The following TFDP1 variants were observed in gnomAD, a reference collection of about 807,000 sequenced individuals.
The protein encoded by TFDP1 is DRTF1-polypeptide 1.
A neutral mutation model predicts 48.0 loss-of-function variants in TFDP1; 6 were observed. That is an observed-to-expected ratio of 0.13 (90% CI 0.07 to 0.25). The LOEUF is 0.25. TFDP1 is among the 10% of genes least tolerant of loss of function. TFDP1 has a pLI of 1.00. For synonymous variants in TFDP1, 201 were observed against 211.6 expected, an observed-to-expected ratio of 0.95 and a Z score of 0.44; for missense variants, 335 against 543.0, an observed-to-expected ratio of 0.62 and a Z score of 3.81.
intron 3 of TFDP1, among the ~76,000 whole-genome samples, chr13:113,616,423 C>T (rs936786418): frequency 2.6e-5 from 4 of 152,020 alleles, no homozygotes; most frequent in Admixed American, 6.6e-5. Context: ...ATAGTAAATC[C>T]GTGGAGAGCG....
intron 5 of TFDP1, among the ~76,000 whole-genome samples, chr13:113,632,562 G>A (rs1480877682): frequency 1.3e-5 from 2 of 152,162 alleles, no homozygotes; most frequent in Non-Finnish European, 2.9e-5. Context: ...CAGATCACGA[G>A]TTCAAGAGAT....
At chr13:113,636,408 A>G in intron 9 of TFDP1, 126 bp from the exon 10 acceptor site, 1 of 1,117,656 alleles carries the variant, frequency 8.9e-7, no homozygotes, top group Non-Finnish European at 1.3e-6. Flanking sequence ...CTGTGAGGAG[A>G]CACTGATGAC....
At chr13:113,586,003 TGGAA>T (rs1166786446) in intron 2 of TFDP1, 154 bp downstream of exon 2, 17 of 825,242 alleles carry the variant, frequency 2.1e-5, no homozygotes, top group Non-Finnish European at 3.2e-5. Flanking sequence ...AGGTGAAAGA[TGGAA>T]GGATCTGATC....
chr13:113,625,277 TCTCTCACGTG>T (rs2049114573), intron 4 of TFDP1, among the ~76,000 whole-genome samples: 1 of 127,188 alleles, frequency 7.9e-6, no homozygotes, highest in Admixed American at 7.5e-5. Flanking sequence ...TCCTCAGGTG[TCTCTCACGTG>T]TCCTCAGGTG....
chr13:113,634,456 A>G (rs1047297139), intron 7 of TFDP1, 78 bp from the exon 8 acceptor site: 4 of 1,134,578 alleles, frequency 3.5e-6, no homozygotes, highest in Non-Finnish European at 5.3e-6. Flanking sequence ...CACTGTGAGG[A>G]TGTGAGGATG....
chr13:113,612,443 G>T (rs936674219), intron 3 of TFDP1, among the ~76,000 whole-genome samples: 1 of 152,176 alleles, frequency 6.6e-6, no homozygotes, highest in Non-Finnish European at 1.5e-5. Context: ...AGCCCTTTTG[G>T]GATTATTTAT....
intron 2 of TFDP1, among the ~76,000 whole-genome samples, chr13:113,608,218 A>C (rs2140379965): frequency 6.6e-6 from 1 of 152,288 alleles, no homozygotes; most frequent in Non-Finnish European, 1.5e-5. Context: ...CCGCCAACAG[A>C]AAAAAGGCAC....
chr13:113,609,220 C>T (rs2048646153), intron 2 of TFDP1, among the ~76,000 whole-genome samples: 1 of 152,218 alleles, frequency 6.6e-6, no homozygotes, highest in Non-Finnish European at 1.5e-5. Context: ...GTCTGTGGGC[C>T]CCTGGGGGTG....
At position 113,637,047 on chromosome 13, in the gene TFDP1, G is replaced by T. The variant is rs1338426345; in HGVS notation, c.1006+347G>T. ...CTTTGAGAAGTGCAGTTGGATTGCT[G>T]ATCCCACCCACTGATGGTAGCTGAT... On this transcript the variant is annotated intron_variant, in intron 10 of 11. Coordinates refer to ENST00000375370, the MANE Select transcript of TFDP1 (RefSeq NM_007111.5). 3 of 220,486 alleles carry T rather than the reference G, an allele frequency of 1.4e-5. No homozygotes were observed. The Admixed American group carries it at 1.6e-4, about 12-fold the overall frequency. 13.7% of individuals were successfully genotyped at this position (220,486 alleles called of 1,614,324 possible).
chr13:113,634,431 G>C (rs150070007), intron 7 of TFDP1, 103 bp from the exon 8 acceptor site: 16 of 946,916 alleles, frequency 1.7e-5, no homozygotes, highest in African/African-American at 1.6e-4. Context: ...TTACATTCTG[G>C]GTAAACATAG....
chr13:113,585,669 G>C (rs749663182), intron 1 of TFDP1, 105 bp from the exon 2 acceptor site: 1 of 655,384 alleles, frequency 1.5e-6, no homozygotes, highest in Non-Finnish European at 2.5e-6. Flanking sequence ...GGTGCCTTTG[G>C]GAAGGAAGGT....
chr13:113,618,392 C>T (rs927901045), intron 3 of TFDP1, among the ~76,000 whole-genome samples: 1 of 152,072 alleles, frequency 6.6e-6, no homozygotes, highest in South Asian at 2.1e-4. Context: ...TATGGTTGTG[C>T]GAGCCTGTAG....
At chr13:113,614,372 G>T (rs561885000) in intron 3 of TFDP1, among the ~76,000 whole-genome samples, 2 of 152,190 alleles carry the variant, frequency 1.3e-5, no homozygotes, top group Admixed American at 6.5e-5. Context: ...GTCCAGGCAG[G>T]GTCCTCGGCG....
At chr13:113,630,181 A>G (rs11840210) in intron 4 of TFDP1, among the ~76,000 whole-genome samples, 6,875 of 151,490 alleles carry the variant, frequency 0.045, 455 homozygotes, top group African/African-American at 0.14. Context: ...ACACACACAC[A>G]CGCGTATTGA....
chr13:113,632,343 T>C (rs1049050837), intron 5 of TFDP1, among the ~76,000 whole-genome samples: 2 of 152,270 alleles, frequency 1.3e-5, no homozygotes, highest in African/African-American at 4.8e-5. Context: ...AGAGTTGGGC[T>C]TTCCCTCGAC....
chr13:113,603,303 C>T (rs991653927), intron 2 of TFDP1, among the ~76,000 whole-genome samples: 5 of 152,188 alleles, frequency 3.3e-5, no homozygotes, highest in African/African-American at 1.2e-4. Context: ...TGTGTGTCCC[C>T]AGGGGAGGAG....
intron 4 of TFDP1, among the ~76,000 whole-genome samples, chr13:113,630,175 A>ACG (rs1455088313): frequency 6.7e-6 from 1 of 148,390 alleles, no homozygotes; most frequent in African/African-American, 2.6e-5. Context: ...ACACACACAC[A>ACG]CACACACGCG....
Position 113,623,376 on chromosome 13 carries a change from C to A in TFDP1, c.186+90C>A. 1.5e-6 allele frequency: 2 copies of A among 1,292,972 alleles called. No homozygotes were observed. The highest frequency in any genetic ancestry group is 2.1e-6 in the Non-Finnish European group (2 of 931,112). 80.1% of individuals were successfully genotyped at this position (1,292,972 alleles called of 1,614,324 possible). A position where few individuals can be genotyped will look rare whatever the true frequency, so the allele number is the denominator to read the frequency against. On this transcript the variant is annotated intron_variant, in intron 4 of 11. Coordinates refer to ENST00000375370, the MANE Select transcript of TFDP1 (RefSeq NM_007111.5). This position sits in a 1 kb window ranked among gnomAD's most constrained non-coding sequence, Gnocchi z 5.2. ...TGGTTGGGGATGTTCCCAGGTGTGC[C>A]TGGATTTGGGCTCCAGTTGCAGCAT...
At chr13:113,608,877 C>T (rs1046354639) in intron 2 of TFDP1, among the ~76,000 whole-genome samples, 1 of 152,208 alleles carries the variant, frequency 6.6e-6, no homozygotes, top group Non-Finnish European at 1.5e-5. Context: ...CTTTTTCTAA[C>T]TGGCCGTACC....
Sources: gnomAD v4.1 joint callset for allele counts (sites outside exome capture counted in the v4.1 genomes callset) on GRCh38, gnomAD v4.1.1 for gene constraint, Gnocchi (gnomAD v3.1) non-coding constraint, MANE v1.5 for transcripts, NCBI Gene and HGNC (gene_info 2026-07-23, HGNC 2026-07-21) for gene names.